Variants in GCFC2 observed in about 807,000 individuals in gnomAD.
The protein encoded by GCFC2 is intron Large complex component GCFC2.
In GCFC2, 102 loss-of-function variants were observed where a neutral mutation model predicts 99.4. That is an observed-to-expected ratio of 1.03 (90% CI 0.87 to 1.21). The LOEUF is 1.21. GCFC2 is among the 50% of genes most tolerant of loss of function. The pLI is 0.00. For synonymous variants in GCFC2, 338 were observed against 316.8 expected, an observed-to-expected ratio of 1.07 and a Z score of -0.71; for missense variants, 973 against 920.9, an observed-to-expected ratio of 1.06 and a Z score of -0.73.
chr2:75,692,612 A>G (rs566732905), intron 6 of GCFC2, among the ~76,000 whole-genome samples: 4 of 151,550 alleles, frequency 2.6e-5, no homozygotes, highest in Non-Finnish European at 5.9e-5. Context: ...ACACCACTGC[A>G]CTCCAGCCTG....
chr2:75,696,139 G>A (rs1680312694), intron 5 of GCFC2, 61 bp downstream of exon 5: 1 of 704,982 alleles, frequency 1.4e-6, no homozygotes, highest in Admixed American at 2.1e-5. Context: ...AGAATATAGT[G>A]TTATATCTTT....
intron 6 of GCFC2, among the ~76,000 whole-genome samples, chr2:75,693,259 C>T (rs1373497938): frequency 1.3e-5 from 2 of 151,980 alleles, no homozygotes; most frequent in African/African-American, 2.4e-5. Flanking sequence ...GGCAACATGG[C>T]GAAACCCCGT....
intron 15 of GCFC2, among the ~76,000 whole-genome samples, chr2:75,666,735 A>G (rs1011694560): frequency 1.3e-5 from 2 of 152,006 alleles, no homozygotes; most frequent in Non-Finnish European, 2.9e-5. Context: ...AAACTTCCTC[A>G]TAGCAGAAAC....
rs1558726396 is a variant in GCFC2 at position 75,664,134 on chromosome 2, TTGGCACTCAC to T, written c.*522_*531del. On this transcript the variant is annotated 3_prime_UTR_variant, in exon 17 of 17. Coordinates refer to ENST00000321027, the MANE Select transcript of GCFC2 (RefSeq NM_003203.5). ...AATAACTACTGCTGGTAGGGATTCA[TTGGCACTCAC>T]TTATGCTTATGTTGGTACATTAAAT... 7 of 152,372 alleles carry T rather than the reference TTGGCACTCAC, an allele frequency of 4.6e-5. No individual in the cohort carries two copies. The East Asian group carries it at 1.3e-3, about 29-fold the overall frequency. 9.4% of individuals were successfully genotyped at this position (152,372 alleles called of 1,614,324 possible). A position where few individuals can be genotyped will look rare whatever the true frequency, so the allele number is the denominator to read the frequency against.
intron 1 of GCFC2, among the ~76,000 whole-genome samples, chr2:75,709,881 C>T (rs1460365708): frequency 6.6e-6 from 1 of 152,150 alleles, no homozygotes; most frequent in Non-Finnish European, 1.5e-5. Flanking sequence ...TTTTAGCTCT[C>T]AAGACTAACC....
In GCFC2 at chr2:75,670,240, G is replaced by A; in HGVS notation, c.2001C>T (p.Asp667=). ...TCCCTAGTCCTAGTTCTTGCAAGGT[G>A]TCATCTGTAAGGAGTCCATTCCAAA... ...ILLWNGLLTD[D]TLQELGLGKL... Residue 667 remains aspartate (D), a synonymous_variant, in exon 15 of 17, where the codon GAC becomes GAT. Transcript: ENST00000321027. 6.2e-7 allele frequency: 1 copy of A among 1,606,242 alleles called. No homozygotes were observed. The highest frequency in any genetic ancestry group is 1.7e-4 in the Middle Eastern group (1 of 6,044).
chr2:75,702,861 A>C (rs1264699415), intron 2 of GCFC2, among the ~76,000 whole-genome samples: 1 of 152,166 alleles, frequency 6.6e-6, no homozygotes, highest in African/African-American at 2.4e-5. Flanking sequence ...CAAGTAAGAG[A>C]GATACTACAC....
At chr2:75,693,018 G>C (rs1027593320) in intron 6 of GCFC2, among the ~76,000 whole-genome samples, 2 of 152,044 alleles carry the variant, frequency 1.3e-5, no homozygotes, top group African/African-American at 2.4e-5. Context: ...AATTTTTCAA[G>C]GGCAAATGAA....
chr2:75,665,661 TAATAA>T (rs1678804575), intron 16 of GCFC2, among the ~76,000 whole-genome samples: 1 of 152,214 alleles, frequency 6.6e-6, no homozygotes, highest in African/African-American at 2.4e-5. Context: ...AAAAAGTGCT[TAATAA>T]AATGTTTTTG....
chr2:75,671,660 A>G (rs989693823), intron 14 of GCFC2, among the ~76,000 whole-genome samples: 1 of 152,150 alleles, frequency 6.6e-6, no homozygotes, highest in Non-Finnish European at 1.5e-5. Flanking sequence ...AACACTTTTC[A>G]AGGACGTTTT....
At chr2:75,688,983 C>T in intron 10 of GCFC2, 43 bp downstream of exon 10, 1 of 1,065,370 alleles carries the variant, frequency 9.4e-7, no homozygotes, top group Non-Finnish European at 1.4e-6. Flanking sequence ...ATTTAAGCAA[C>T]TAATATAATC....
chr2:75,696,299 A>G lies in GCFC2; in HGVS notation c.734T>C (p.Leu245Pro). The stretch of plus-strand genomic sequence containing the variant: ...TTTTGAAGATCCATTGCCACAGGAA[A>G]GATCTATGTCTCTTTCCTAAAAAAG... ...VKIIEERDID[L>P]SCGNGSSKVK... Residue 245 changes from leucine to proline, a missense_variant, in exon 5 of 17, where the codon CTT (leucine) becomes CCT (proline). Coordinates refer to ENST00000321027, the MANE Select transcript of GCFC2 (RefSeq NM_003203.5). 7.4e-7 allele frequency: 1 copy of G among 1,349,000 alleles called. No homozygotes were observed. The highest frequency in any genetic ancestry group is 1.1e-6 in the Non-Finnish European group (1 of 941,424). The allele number at this position is 1,349,000 out of a possible 1,614,324, so 83.6% of individuals were successfully genotyped here. A position where few individuals can be genotyped will look rare whatever the true frequency, so the allele number is the denominator to read the frequency against.
intron 11 of GCFC2, among the ~76,000 whole-genome samples, chr2:75,680,562 G>C (rs1679528398): frequency 6.6e-6 from 1 of 152,122 alleles, no homozygotes; most frequent in African/African-American, 2.4e-5. Flanking sequence ...GTCTCTGCCT[G>C]CAACCATGCA....
chr2:75,701,605 G>A (rs1680594412), intron 3 of GCFC2, among the ~76,000 whole-genome samples: 1 of 152,164 alleles, frequency 6.6e-6, no homozygotes, highest in Admixed American at 6.5e-5. Context: ...AAAAAACTGA[G>A]AAAGAATGAA....
In GCFC2 at chr2:75,678,143, C is replaced by T. The variant is rs193232829; in HGVS notation, c.1812+2050G>A. On this transcript the variant is annotated intron_variant, in intron 12 of 16. Transcript: ENST00000321027. ...AAATGCAATTAAAATAAATACATTT[C>T]ACAGGGTTATGAGGATCAAATGAGA... 3.4e-3 allele frequency among the ~76,000 whole-genome samples: 516 copies of T among 152,210 alleles called. 5 individuals are homozygous for T. Among genetic ancestry groups the T allele is most frequent in the African/African-American group, 0.012 (484 of 41,512 alleles).
At chr2:75,701,792 A>T in intron 3 of GCFC2, 1 of 841,278 alleles carries the variant, frequency 1.2e-6, no homozygotes, top group Non-Finnish European at 1.4e-6. Flanking sequence ...TTTAAGGCTT[A>T]GTATTATTGG....
In GCFC2 at chr2:75,706,666, T is replaced by A. The variant is rs1177346444; in HGVS notation, c.266-15A>T. On this transcript the variant is annotated splice_polypyrimidine_tract_variant and intron_variant, in intron 1 of 16. Transcript: ENST00000321027. ...GGTTCTGGATTCTAACAGGACATTT[T>A]AAAAATACAACAAAAAAGAGTCAAA... 6.5e-7 allele frequency: 1 copy of A among 1,534,310 alleles called. No homozygotes were observed. The highest frequency in any genetic ancestry group is 8.9e-7 in the Non-Finnish European group (1 of 1,125,900).
At chr2:75,666,095 C>T in intron 15 of GCFC2, 42 bp from the exon 16 acceptor site, 5 of 1,513,378 alleles carry the variant, frequency 3.3e-6, no homozygotes, top group African/African-American at 2.8e-5. Context: ...TGACAGTTAT[C>T]TAAGAAATCT....
chr2:75,695,693 AC>A (rs1329710672), intron 5 of GCFC2, among the ~76,000 whole-genome samples: 2 of 152,160 alleles, frequency 1.3e-5, no homozygotes, highest in Admixed American at 1.3e-4. Flanking sequence ...CATACAGTAC[AC>A]CTGCACTGTG....
Sources: gnomAD v4.1 joint callset for allele counts (sites outside exome capture counted in the v4.1 genomes callset) on GRCh38, gnomAD v4.1.1 for gene constraint, MANE v1.5 for transcripts, NCBI Gene and HGNC (gene_info 2026-07-23, HGNC 2026-07-21) for gene names.